RBFOX1: variants seen among roughly 807,000 people sequenced by gnomAD.
RBFOX1 encodes RNA binding fox-1 homolog 1, also known as RNA binding protein fox-1 homolog 1.
A neutral mutation model predicts 57.7 loss-of-function variants in RBFOX1; 8 were observed. The ratio of observed to expected loss-of-function variants is 0.14; its 90% CI spans 0.08 to 0.25. The LOEUF (loss-of-function observed/expected upper bound fraction) is 0.25. Among genes scored for constraint, RBFOX1 ranks in the 10% least tolerant of loss-of-function variants. The pLI is 1.00. For missense variants in RBFOX1, 611 were observed against 548.5 expected (o/e 1.11, Z -1.14); for synonymous variants, 326 against 222.4 (o/e 1.47, Z -4.15).
At chr16:6,811,010 T>C (rs2088403511) in intron 3 of RBFOX1, among the ~76,000 whole-genome samples, 1 of 152,132 alleles carries the variant, frequency 6.6e-6, no homozygotes, top group Admixed American at 6.5e-5. Flanking sequence ...TTTTTGGAAA[T>C]AGTTACAGAA....
intron 14 of RBFOX1, among the ~76,000 whole-genome samples, chr16:7,703,567 A>T (rs528685880): frequency 6.6e-5 from 10 of 152,324 alleles, no homozygotes; most frequent in Middle Eastern, 3.4e-3. Context: ...TAGTGTTCTT[A>T]CTGTGGCCCT....
intron 3 of RBFOX1, among the ~76,000 whole-genome samples, chr16:6,677,594 C>A (rs1037823375): frequency 6.6e-6 from 1 of 152,088 alleles, no homozygotes; most frequent in African/African-American, 2.4e-5. Flanking sequence ...TTCATTAGAG[C>A]CTTACATTTT....
chr16:5,567,490 C>A (rs1481525720), intron 2 of RBFOX1, among the ~76,000 whole-genome samples: 1 of 152,104 alleles, frequency 6.6e-6, no homozygotes, highest in South Asian at 2.1e-4. Context: ...CAGCGGGTCA[C>A]CACCTGCCCC....
chr16:6,946,424 G>T (rs975727523), intron 3 of RBFOX1, among the ~76,000 whole-genome samples: 1 of 152,200 alleles, frequency 6.6e-6, no homozygotes, highest in Non-Finnish European at 1.5e-5. Context: ...CCTGAGTTCT[G>T]TGATGAAAAT....
chr16:6,693,088 C>G (rs1433483017), intron 3 of RBFOX1, among the ~76,000 whole-genome samples: 1 of 102,010 alleles, frequency 9.8e-6, no homozygotes, highest in Non-Finnish European at 2.6e-5. Flanking sequence ...ACTACCATCA[C>G]AACCATCATC....
chr16:7,430,778 G>A (rs752197560), intron 4 of RBFOX1, among the ~76,000 whole-genome samples: 2 of 152,146 alleles, frequency 1.3e-5, no homozygotes, highest in South Asian at 2.1e-4. Context: ...AAGCCTGGTC[G>A]TCTTGCTACC....
Position 6,508,602 on chromosome 16 carries a change from C to T in RBFOX1, c.-63-146001C>T, listed in dbSNP as rs567956978. Among the ~76,000 whole-genome samples, 4 of 152,100 alleles carry T rather than the reference C, an allele frequency of 2.6e-5. No homozygotes were observed. In the East Asian group the frequency reaches 7.7e-4, roughly 29 times the overall value. ...ATCTCGTCTCTGCTTCCCTCAAAGACGTTTCCTATTGCTGTTTCTTCTTTA... is the reference window on the plus strand; with the variant it reads ...ATCTCGTCTCTGCTTCCCTCAAAGATGTTTCCTATTGCTGTTTCTTCTTTA... On this transcript the variant is annotated intron_variant, in intron 2 of 15. Coordinates refer to ENST00000550418, the MANE Select transcript of RBFOX1 (RefSeq NM_018723.4).
At chr16:6,643,041 C>T (rs1242391064) in intron 2 of RBFOX1, among the ~76,000 whole-genome samples, 3 of 152,182 alleles carry the variant, frequency 2.0e-5, no homozygotes, top group Non-Finnish European at 4.4e-5. Flanking sequence ...TGCCCTGAAG[C>T]ATCTCTGCCA....
chr16:7,185,059 A>G (rs1295920840), intron 4 of RBFOX1, among the ~76,000 whole-genome samples: 1 of 152,234 alleles, frequency 6.6e-6, no homozygotes, highest in East Asian at 1.9e-4. Flanking sequence ...GAAATTGTGC[A>G]GTAAGTACAT....
At chr16:5,855,324 C>T (rs2056997426) in intron 3 of RBFOX1, among the ~76,000 whole-genome samples, 2 of 152,128 alleles carry the variant, frequency 1.3e-5, no homozygotes, top group African/African-American at 4.8e-5. Flanking sequence ...AGGTTTTCCA[C>T]TTTGTTTTCT....
chr16:5,723,397 T>TGTCAGGCTTGGGCTGGATGGTGTCTGAG (rs2052010123), intron 3 of RBFOX1, among the ~76,000 whole-genome samples: 1 of 79,796 alleles, frequency 1.3e-5, no homozygotes, highest in African/African-American at 4.2e-5. Context: ...AAACAGTGGC[T>TGTCAGGCTTGGGCTGGATGGTGTCTGAG]ATCTCAAGCT....
In RBFOX1 at chr16:5,746,115, A is replaced by G. The variant is rs546895832; in HGVS notation, c.319-121188A>G. Among the ~76,000 whole-genome samples, 10 of 152,336 alleles carry G rather than the reference A, an allele frequency of 6.6e-5. No individual in the cohort carries two copies. The South Asian group carries it at 1.4e-3, about 22-fold the overall frequency. On this transcript the variant is annotated intron_variant, in intron 3 of 19. Transcript: ENST00000641259. ...GAATCCATCTTGAATTAATTTTTGT[A>G]TAAGGTGTAAAGAAGGGATCCAGTT...
chr16:6,106,012 C>G lies in RBFOX1; in HGVS notation c.-127+86020C>G, dbSNP rs76595305. ...TTGCTTTAGTCTTTTTTTTTTCCAT[C>G]CTAGTTAAAAGCTGAGATGAAAATT... On this transcript the variant is annotated intron_variant, in intron 1 of 15. Coordinates refer to ENST00000550418, the MANE Select transcript of RBFOX1 (RefSeq NM_018723.4). 8.0e-3 allele frequency among the ~76,000 whole-genome samples: 1,215 copies of G among 151,718 alleles called. 30 individuals carry two copies. The East Asian group carries it at 0.087, about 11-fold the overall frequency.
intron 1 of RBFOX1, among the ~76,000 whole-genome samples, chr16:6,235,073 A>G (rs151019504): frequency 4.8e-4 from 73 of 152,302 alleles, no homozygotes; most frequent in Middle Eastern, 3.4e-3. Flanking sequence ...TTCAGTTTGC[A>G]GGATATGGAA....
intron 4 of RBFOX1, among the ~76,000 whole-genome samples, chr16:7,243,606 G>T (rs1320529973): frequency 6.6e-6 from 1 of 152,102 alleles, no homozygotes; most frequent in East Asian, 1.9e-4. Context: ...GTAATGCAGT[G>T]GCATGATAAT....
At chr16:5,846,198 G>T (rs886614895) in intron 3 of RBFOX1, among the ~76,000 whole-genome samples, 7 of 148,460 alleles carry the variant, frequency 4.7e-5, no homozygotes, top group Non-Finnish European at 1.0e-4. Flanking sequence ...AAAAAAAAAA[G>T]AATTTAGTGA....
At chr16:6,412,506 C>T (rs547047953) in intron 2 of RBFOX1, among the ~76,000 whole-genome samples, 173 of 152,256 alleles carry the variant, frequency 1.1e-3, no homozygotes, top group African/African-American at 3.9e-3. Context: ...CTTTCCACTG[C>T]GTTTACTAGA....
chr16:7,033,467 C>T (rs570831968), intron 3 of RBFOX1, among the ~76,000 whole-genome samples: 33 of 152,238 alleles, frequency 2.2e-4, no homozygotes, highest in African/African-American at 7.7e-4. Context: ...TTGCAGTGAG[C>T]CAAGATTGCG....
chr16:7,429,605 A>G lies in RBFOX1; in HGVS notation c.28-88542A>G, dbSNP rs141524508. Reference sequence around the variant, plus strand: ...CCTAGAATCTAGAGGAGGTGAGCAGAAAATAGTCGTCAGGTGGATGAATAC... The same window carrying G: ...CCTAGAATCTAGAGGAGGTGAGCAGGAAATAGTCGTCAGGTGGATGAATAC... On this transcript the variant is annotated intron_variant, in intron 4 of 15. Coordinates refer to ENST00000550418, the MANE Select transcript of RBFOX1 (RefSeq NM_018723.4). Among the ~76,000 whole-genome samples, 533 of 152,324 alleles carry G rather than the reference A, an allele frequency of 3.5e-3. 4 individuals are homozygous for G. Among genetic ancestry groups the G allele is most frequent in the African/African-American group, 0.012 (509 of 41,564 alleles).
Sources: gnomAD v4.1 joint callset for allele counts (sites outside exome capture counted in the v4.1 genomes callset) on GRCh38, gnomAD v4.1.1 for gene constraint, MANE v1.5 for transcripts, NCBI Gene and HGNC (gene_info 2026-07-23, HGNC 2026-07-21) for gene names.